The following CAST variants were observed in gnomAD, a reference collection of about 807,000 sequenced individuals.
CAST encodes the protein calpastatin.
Under a neutral mutation model 119.6 loss-of-function variants are expected in CAST, and 76 were observed. The ratio of observed to expected loss-of-function variants is 0.64; its 90% CI spans 0.53 to 0.77. The LOEUF is 0.77. Among genes scored for constraint, CAST ranks in the 30% least tolerant of loss-of-function variants. The pLI is 0.00. For synonymous variants in CAST, 319 were observed against 331.6 expected (o/e 0.96, Z 0.41); for missense variants, 953 against 946.5 (o/e 1.01, Z -0.09).
intron 2 of CAST, among the ~76,000 whole-genome samples, chr5:96,689,360 C>A (rs1752453716): frequency 6.6e-6 from 1 of 152,172 alleles, no homozygotes; most frequent in African/African-American, 2.4e-5. Context: ...TTTCCTTAAT[C>A]TTTCATTGCC....
At chr5:96,044,525 T>G in the CAST span, among the ~76,000 whole-genome samples, 1 of 152,218 alleles carries the variant, frequency 6.6e-6, no homozygotes, top group Non-Finnish European at 1.5e-5. Context: ...ATGGTGTTTT[T>G]GTTATAGAAG....
At chr5:96,682,550 T>A (rs1373482081) in intron 2 of CAST, among the ~76,000 whole-genome samples, 2 of 152,154 alleles carry the variant, frequency 1.3e-5, no homozygotes, top group Non-Finnish European at 2.9e-5. Flanking sequence ...AGATCTGTCT[T>A]TTTCAGTCTT....
At chr5:96,239,954 T>C in the CAST span, among the ~76,000 whole-genome samples, 1 of 152,122 alleles carries the variant, frequency 6.6e-6, no homozygotes, top group African/African-American at 2.4e-5. Context: ...CACACTTATA[T>C]CTAATTTGTA....
rs1468827118 is a variant in CAST, at chr5:96,616,791, CACACAT to C, written c.61-58746_61-58741del. On this transcript the variant is annotated intron_variant, in intron 1 of 11. Coordinates refer to the CAST transcript ENST00000505143. Reference sequence around the variant, plus strand: ...ACACACACACACACACACACACACACACACATATACATATACATATACACCAGAAAT... The same window carrying C: ...ACACACACACACACACACACACACACATACATATACATATACACCAGAAAT... 1.9e-4 allele frequency among the ~76,000 whole-genome samples: 27 copies of C among 143,142 alleles called. 1 individual carries two copies. The highest frequency in any genetic ancestry group is 2.8e-4 in the Non-Finnish European group (18 of 64,720). 93.9% of individuals were successfully genotyped at this position (143,142 alleles called of 152,430 possible).
intron 1 of CAST, among the ~76,000 whole-genome samples, chr5:96,618,855 C>T (rs1051861393): frequency 5.9e-5 from 9 of 152,346 alleles, no homozygotes; most frequent in East Asian, 1.9e-4. Flanking sequence ...CTGCTCTGAG[C>T]GCAGGACTGG....
chr5:96,251,296 T>C, the CAST span, among the ~76,000 whole-genome samples: 1 of 152,216 alleles, frequency 6.6e-6, no homozygotes, highest in African/African-American at 2.4e-5. Context: ...TGTAACATTT[T>C]AGGAAGGTGT....
At chr5:95,970,802 T>A in the CAST span, among the ~76,000 whole-genome samples, 1 of 152,210 alleles carries the variant, frequency 6.6e-6, no homozygotes, top group African/African-American at 2.4e-5. Flanking sequence ...AATCTTTGCC[T>A]TGAATAAATC....
chr5:96,472,426 T>G, the CAST span, among the ~76,000 whole-genome samples: 5 of 152,220 alleles, frequency 3.3e-5, no homozygotes, highest in Non-Finnish European at 5.9e-5. Context: ...CTTGTGTGTG[T>G]TGCTATATTC....
At chr5:95,974,767 A>G in the CAST span, among the ~76,000 whole-genome samples, 268 of 152,324 alleles carry the variant, frequency 1.8e-3, 5 homozygotes, top group East Asian at 0.04. Context: ...AAGTTTGTTA[A>G]GGGTCAATCC....
rs1561409638 is a variant in CAST at position 96,535,993 on chromosome 5, TAACTATATG to T, written c.60+6114_60+6122del. On this transcript the variant is annotated intron_variant, in intron 1 of 11. Coordinates refer to the CAST transcript ENST00000505143. ...AGCCCTTTAGTACATTTAAATCTTT[TAACTATATG>T]TTAAATAACCATATGTTAAATATTT... Among the ~76,000 whole-genome samples the T allele has an allele frequency of 2.5e-3, 386 of 151,866 alleles. 4 individuals carry two copies. Among genetic ancestry groups the T allele is most frequent in the African/African-American group, 8.9e-3 (368 of 41,228 alleles).
the CAST span, among the ~76,000 whole-genome samples, chr5:96,348,503 G>A: frequency 6.6e-6 from 1 of 151,982 alleles, no homozygotes; most frequent in African/African-American, 2.4e-5. Flanking sequence ...TGATGGTAAG[G>A]GACAATCTCC....
the CAST span, among the ~76,000 whole-genome samples, chr5:96,032,467 T>C: frequency 5.3e-5 from 8 of 152,154 alleles, no homozygotes; most frequent in Non-Finnish European, 7.4e-5. Flanking sequence ...TTCTTTAGAA[T>C]AGAGGAATTA....
chr5:96,575,666 G>A (rs143541004), intron 1 of CAST, among the ~76,000 whole-genome samples: 16 of 149,514 alleles, frequency 1.1e-4, no homozygotes, highest in South Asian at 2.1e-4. Flanking sequence ...TTTTTAAGAC[G>A]GAGTCTCACT....
the CAST span, among the ~76,000 whole-genome samples, chr5:96,216,401 C>T: frequency 2.6e-5 from 4 of 152,062 alleles, no homozygotes; most frequent in Admixed American, 2.0e-4. Flanking sequence ...TGTGGATATT[C>T]TTCTTTATAA....
chr5:96,260,816 C>T, the CAST span, among the ~76,000 whole-genome samples: 6 of 152,188 alleles, frequency 3.9e-5, no homozygotes, highest in South Asian at 2.1e-4. Context: ...ATAGCTCTTC[C>T]GTGTTGCTTA....
chr5:96,365,434 TC>T, the CAST span, among the ~76,000 whole-genome samples: 1 of 152,244 alleles, frequency 6.6e-6, no homozygotes, highest in Non-Finnish European at 1.5e-5. Flanking sequence ...TGTTAAAGTC[TC>T]CCATTATTAT....
At chr5:96,033,716 A>AAAAGCTCC in the CAST span, among the ~76,000 whole-genome samples, 1 of 152,150 alleles carries the variant, frequency 6.6e-6, no homozygotes, top group Non-Finnish European at 1.5e-5. Context: ...ATAGAGTTGA[A>AAAAGCTCC]AAAGCTCCAT....
chr5:96,663,302 G>C, intron 1 of CAST: 1 of 690,156 alleles, frequency 1.4e-6, no homozygotes, highest in Non-Finnish European at 2.6e-6. Flanking sequence ...GACCGGGTGC[G>C]ACCTCCTCGC....
intron 16 of CAST, among the ~76,000 whole-genome samples, chr5:96,745,141 G>A (rs137879974): frequency 1.1e-4 from 17 of 152,294 alleles, no homozygotes; most frequent in South Asian, 1.0e-3. Flanking sequence ...CATGAAGGCC[G>A]CTGTGCCTTG....
Sources: gnomAD v4.1 joint callset for allele counts (sites outside exome capture counted in the v4.1 genomes callset) on GRCh38, gnomAD v4.1.1 for gene constraint, MANE v1.5 for transcripts, NCBI Gene and HGNC (gene_info 2026-07-23, HGNC 2026-07-21) for gene names.